The following CD244 variants were observed in gnomAD, a reference collection of about 807,000 sequenced individuals.
The protein encoded by CD244 is CD244 molecule.
CD244 carries 20 observed loss-of-function variants against 45.5 expected under a neutral mutation model. The ratio of observed to expected loss-of-function variants is 0.44; its 90% CI spans 0.31 to 0.64. CD244 has a LOEUF of 0.64. Ranked by LOEUF, CD244 falls within the 30% of genes least tolerant of loss-of-function variation. CD244 has a pLI of 0.08. For missense variants in CD244, 407 were observed against 426.9 expected, an observed-to-expected ratio of 0.95 and a Z score of 0.41; for synonymous variants, 185 against 160.5, an observed-to-expected ratio of 1.15 and a Z score of -1.15.
intron 1 of CD244, among the ~76,000 whole-genome samples, chr1:160,847,593 C>A (rs1399020183): frequency 6.6e-6 from 1 of 152,024 alleles, no homozygotes; most frequent in African/African-American, 2.4e-5. Flanking sequence ...AAACATATTT[C>A]TAAAAACCCA....
intron 8 of CD244, 45 bp from the exon 9 acceptor site, chr1:160,831,472 C>G: frequency 7.5e-7 from 1 of 1,327,736 alleles, no homozygotes; most frequent in Non-Finnish European, 1.1e-6. Flanking sequence ...ACTGGGAGGT[C>G]CTTATCACAA....
At position 160,838,463 on chromosome 1, in the gene CD244, G is replaced by C. The variant is rs774418118; in HGVS notation, c.822C>G (p.Thr274=). 4.3e-6 allele frequency: 7 copies of C among 1,612,856 alleles called. No homozygotes were observed. The highest frequency in any genetic ancestry group is 3.3e-4 in the Middle Eastern group (2 of 6,060). The change falls in exon 5 of 9, where the codon ACC becomes ACG. Residue 274 remains threonine (T), a synonymous_variant. Transcript: ENST00000368034. ...TIYEDVKDLK[T]RRNHEQEQTF... Reference sequence around the variant, plus strand: ...CGGGATGACATACGTGATTTCTCCTGGTTTTCAGATCCTTGACATCTTCGT... The same window carrying C: ...CGGGATGACATACGTGATTTCTCCTCGTTTTCAGATCCTTGACATCTTCGT...
At chr1:160,842,196 T>C (rs1669570099) in intron 1 of CD244, among the ~76,000 whole-genome samples, 1 of 152,140 alleles carries the variant, frequency 6.6e-6, no homozygotes, top group South Asian at 2.1e-4. Context: ...GTATGATGAG[T>C]TAAAAGAATG....
intron 1 of CD244, among the ~76,000 whole-genome samples, chr1:160,849,876 G>A (rs1005447046): frequency 6.6e-6 from 1 of 152,098 alleles, no homozygotes; most frequent in African/African-American, 2.4e-5. Context: ...AGCCAGGCGG[G>A]TGGCAGTCAC....
intron 1 of CD244, chr1:160,848,373 T>G: frequency 1.8e-6 from 1 of 568,626 alleles, no homozygotes; most frequent in Admixed American, 1.9e-5. Flanking sequence ...ACTGAATGGA[T>G]GGATGGCAAG....
Position 160,844,236 on chromosome 1 carries a change from C to G in CD244, c.62-2335G>C, listed in dbSNP as rs185701803. 2.0e-5 allele frequency among the ~76,000 whole-genome samples: 3 copies of G among 152,272 alleles called. No individual in the cohort carries two copies. In the South Asian group the frequency reaches 6.2e-4, roughly 32 times the overall value. ...AGTGAAGTATAAGAAAAGGAAACATCTCCAAAAACCAACAGAAGAATAGAG... is the reference window on the plus strand; with the variant it reads ...AGTGAAGTATAAGAAAAGGAAACATGTCCAAAAACCAACAGAAGAATAGAG... On this transcript the variant is annotated intron_variant, in intron 1 of 8. Coordinates refer to ENST00000368034, the MANE Select transcript of CD244 (RefSeq NM_016382.4).
At position 160,841,785 on chromosome 1, in the gene CD244, G is replaced by C. The variant is rs371185432; in HGVS notation, c.178C>G (p.Gln60Glu). The C allele has an allele frequency of 3.7e-6, 6 of 1,614,074 alleles. No homozygotes were observed. The highest frequency in any genetic ancestry group is 5.1e-6 in the Non-Finnish European group (6 of 1,180,022). ...TTCAATATGTGATGAAATCCATTTT[G>C]TGAGGGCAGCAACTTCTTCCATGCA... ...SIAWKKLLPS[Q>E]NGFHHILKWE... The change falls in exon 2 of 9, where the codon CAA (glutamine) becomes GAA (glutamate). Residue 60 changes from glutamine (Q) to glutamate (E), a missense_variant. Coordinates refer to ENST00000368034, the MANE Select transcript of CD244 (RefSeq NM_016382.4).
At chr1:160,831,475 T>C (rs139490446) in intron 8 of CD244, 48 bp from the exon 9 acceptor site, 566 of 1,307,698 alleles carry the variant, frequency 4.3e-4, no homozygotes, top group Non-Finnish European at 5.7e-4. Context: ...GGGAGGTCCT[T>C]ATCACAATCC....
In CD244 at chr1:160,841,389, T is replaced by C. The variant is rs573600543; in HGVS notation, c.476A>G (p.Asn159Ser). The C allele has an allele frequency of 6.8e-6, 11 of 1,614,164 alleles. No homozygotes were observed. The South Asian group carries it at 1.1e-4, about 16-fold the overall frequency. The change falls in exon 3 of 9, where the codon AAT becomes AGT. Residue 159 changes from asparagine (N) to serine (S), a missense_variant. By Grantham distance (46) the Asn-to-Ser change is conservative. Transcript: ENST00000368034. ...CCCTCTGTACCAAGCATAGGACACA[T>C]TGCCATCCCTGGAGACCAAGCAAGA... is the stretch of plus-strand genomic sequence containing the variant. Reference protein sequence around the residue: ...ALSCLVSRDGNVSYAWYRGSK... With the variant: ...ALSCLVSRDGSVSYAWYRGSK...
chr1:160,841,522 A>G, intron 2 of CD244, 37 bp from the exon 3 acceptor site: 6 of 1,613,300 alleles, frequency 3.7e-6, no homozygotes, highest in Non-Finnish European at 5.1e-6. Context: ...GGCATTGGAA[A>G]TACAGAACTT....
chr1:160,848,869 T>C (rs572725898), intron 1 of CD244, among the ~76,000 whole-genome samples: 3 of 152,330 alleles, frequency 2.0e-5, no homozygotes, highest in African/African-American at 4.8e-5. Flanking sequence ...TCTCTTATAA[T>C]AGACCAGCAA....
chr1:160,834,820 C>A (rs1219553794), intron 6 of CD244, among the ~76,000 whole-genome samples: 2 of 152,192 alleles, frequency 1.3e-5, no homozygotes, highest in Non-Finnish European at 2.9e-5. Flanking sequence ...CACCTCAATG[C>A]CTCCCTTTGG....
intron 1 of CD244, among the ~76,000 whole-genome samples, chr1:160,842,791 T>A (rs1669588191): frequency 6.6e-6 from 1 of 152,166 alleles, no homozygotes; most frequent in Admixed American, 6.5e-5. Context: ...CACTTGCCTC[T>A]CAAAGAATCA....
At chr1:160,848,230 T>A in intron 1 of CD244, 1 of 550,388 alleles carries the variant, frequency 1.8e-6, no homozygotes, top group East Asian at 4.8e-5. Context: ...ATGGCACTGG[T>A]GGCAAGTTCA....
At chr1:160,857,064 T>C (rs1670134648) in intron 1 of CD244, among the ~76,000 whole-genome samples, 1 of 152,200 alleles carries the variant, frequency 6.6e-6, no homozygotes, top group Non-Finnish European at 1.5e-5. Context: ...AATGACTCTA[T>C]TGTCAGAATT....
chr1:160,831,344 C>A lies in CD244; in HGVS notation c.*3G>T, dbSNP rs1557828157. The stretch of plus-strand genomic sequence containing the variant: ...GCAAGAAAGGTGAGAATTGCTGCAG[C>A]AACTAGGAATAAACATCAAAGTTCT... On this transcript the variant is annotated 3_prime_UTR_variant, in exon 9 of 9. Coordinates refer to ENST00000368034, the MANE Select transcript of CD244 (RefSeq NM_016382.4). The A allele has an allele frequency of 6.2e-7, 1 of 1,612,554 alleles. No individual in the cohort carries two copies. The highest frequency in any genetic ancestry group is 2.2e-5 in the East Asian group (1 of 44,878).
Position 160,838,446 on chromosome 1 carries a change from C to A in CD244, c.834+5G>T. ...AGAGAGACCCCAGCCTCCGGGATGA[C>A]ATACGTGATTTCTCCTGGTTTTCAG... is the stretch of plus-strand genomic sequence containing the variant. On this transcript the variant is annotated splice_donor_5th_base_variant and intron_variant, in intron 5 of 8. Coordinates refer to ENST00000368034, the MANE Select transcript of CD244 (RefSeq NM_016382.4). 2 of 1,608,212 alleles carry A rather than the reference C, an allele frequency of 1.2e-6. No individual in the cohort carries two copies. The highest frequency in any genetic ancestry group is 1.7e-6 in the Non-Finnish European group (2 of 1,174,626).
In CD244 at chr1:160,862,180, C is replaced by A. The variant is rs535667238; in HGVS notation, c.61+437G>T. ...TCCTGGCTGCTGGCCTCGCCCTCCC[C>A]TCCCTGGGCTCAGCTTTCCTGCCTC... On this transcript the variant is annotated intron_variant, in intron 1 of 8. Transcript: ENST00000368034. 1.3e-4 allele frequency among the ~76,000 whole-genome samples: 20 copies of A among 152,368 alleles called. 1 individual carries two copies. In the South Asian group the frequency reaches 4.1e-3, roughly 32 times the overall value.
intron 1 of CD244, among the ~76,000 whole-genome samples, chr1:160,844,865 C>T (rs986291756): frequency 3.9e-5 from 6 of 152,162 alleles, no homozygotes; most frequent in Non-Finnish European, 7.3e-5. Context: ...ACCCCAGCTA[C>T]TTGGGAGTCT....
Sources: allele counts gnomAD v4.1 joint callset (sites outside exome capture counted in the v4.1 genomes callset), GRCh38; gene constraint gnomAD v4.1.1; transcripts MANE v1.5; gene names NCBI Gene and HGNC (gene_info 2026-07-23, HGNC 2026-07-21).